SEMA5A: variants seen among roughly 807,000 people sequenced by gnomAD.
SEMA5A encodes the protein semaphorin-5A.
Under a neutral mutation model 135.5 loss-of-function variants are expected in SEMA5A, and 55 were observed. The observed-to-expected ratio is 0.41, with a 90% CI of 0.33 to 0.51. The LOEUF (loss-of-function observed/expected upper bound fraction) is 0.51, where lower values mean the gene tolerates loss of function less well. SEMA5A is among the 20% of genes least tolerant of loss of function. The pLI is 0.37. For synonymous variants in SEMA5A, 580 were observed against 546.5 expected (o/e 1.06, Z -0.85); for missense variants, 1,290 against 1,419.9 (o/e 0.91, Z 1.47).
chr5:9,092,293 C>A (rs1739078364), intron 16 of SEMA5A, among the ~76,000 whole-genome samples: 1 of 152,184 alleles, frequency 6.6e-6, no homozygotes, highest in Non-Finnish European at 1.5e-5. Context: ...CAAAAGGGCT[C>A]AAGGCCATTA....
intron 21 of SEMA5A, chr5:9,045,842 G>GACTT (rs919806167): frequency 1.3e-5 from 2 of 152,258 alleles, no homozygotes; most frequent in East Asian, 1.9e-4. Flanking sequence ...TGCCAGCATG[G>GACTT]ACTTATATCT....
intron 13 of SEMA5A, among the ~76,000 whole-genome samples, chr5:9,133,739 C>T (rs1373346693): frequency 6.6e-6 from 1 of 151,836 alleles, no homozygotes; most frequent in Non-Finnish European, 1.5e-5. Flanking sequence ...TAGTGACCAT[C>T]CTCTCTTCAC....
chr5:9,492,042 T>C (rs1735038639), intron 1 of SEMA5A, among the ~76,000 whole-genome samples: 1 of 152,222 alleles, frequency 6.6e-6, no homozygotes, highest in Non-Finnish European at 1.5e-5. Context: ...GGAAAGTTCA[T>C]TCCTTCACCC....
intron 18 of SEMA5A, among the ~76,000 whole-genome samples, chr5:9,055,889 A>G (rs1736863684): frequency 1.3e-5 from 2 of 152,132 alleles, no homozygotes; most frequent in African/African-American, 2.4e-5. Context: ...TAAAAAAAAA[A>G]AAAAGCTCTC....
At chr5:9,360,478 C>A (rs974110390) in intron 3 of SEMA5A, among the ~76,000 whole-genome samples, 1 of 152,112 alleles carries the variant, frequency 6.6e-6, no homozygotes, top group Non-Finnish European at 1.5e-5. Context: ...TTGTGTCCCC[C>A]AAAGCAAATA....
chr5:9,339,321 T>C (rs569527084), intron 3 of SEMA5A, among the ~76,000 whole-genome samples: 1 of 152,264 alleles, frequency 6.6e-6, no homozygotes, highest in South Asian at 2.1e-4. Context: ...AGGAAAGATT[T>C]GACCAGAGAG....
intron 4 of SEMA5A, among the ~76,000 whole-genome samples, chr5:9,319,022 T>C (rs1283309165): frequency 6.6e-6 from 1 of 151,954 alleles, no homozygotes; most frequent in African/African-American, 2.4e-5. Context: ...CTGGGAACCA[T>C]GGCAAAATCT....
At chr5:9,279,995 C>T (rs958385202) in intron 5 of SEMA5A, among the ~76,000 whole-genome samples, 1 of 152,158 alleles carries the variant, frequency 6.6e-6, no homozygotes, top group Non-Finnish European at 1.5e-5. Flanking sequence ...TATTAACTAT[C>T]CAGCCCTTTC....
intron 5 of SEMA5A, among the ~76,000 whole-genome samples, chr5:9,272,818 T>C (rs1269789983): frequency 6.6e-6 from 1 of 152,106 alleles, no homozygotes; most frequent in Non-Finnish European, 1.5e-5. Context: ...GGTATCAACA[T>C]CAACCAAAAG....
chr5:9,475,576 G>T (rs1046608990), intron 1 of SEMA5A, among the ~76,000 whole-genome samples: 13 of 152,140 alleles, frequency 8.5e-5, no homozygotes, highest in African/African-American at 2.7e-4. Flanking sequence ...TTACAAATAT[G>T]CAAGAAAAAT....
At chr5:9,096,554 CTGTGTGTGTGTGTGTGTG>C (rs56202626) in intron 16 of SEMA5A, among the ~76,000 whole-genome samples, 4 of 144,418 alleles carry the variant, frequency 2.8e-5, no homozygotes, top group East Asian at 4.1e-4. Flanking sequence ...TAATATTCCA[CTGTGTGTGTGTGTGTGTG>C]TGTGTGTGTG....
At chr5:9,420,403 G>A (rs1012072138) in intron 2 of SEMA5A, among the ~76,000 whole-genome samples, 10 of 152,170 alleles carry the variant, frequency 6.6e-5, no homozygotes, top group Admixed American at 6.5e-4. Context: ...GACACAGGGA[G>A]CCTTTTTGAC....
chr5:9,060,508 C>T (rs1179653307), intron 18 of SEMA5A, among the ~76,000 whole-genome samples: 2 of 152,136 alleles, frequency 1.3e-5, no homozygotes, highest in African/African-American at 4.8e-5. Context: ...GGACCCGAAT[C>T]TAGTGAGCTT....
intron 13 of SEMA5A, among the ~76,000 whole-genome samples, chr5:9,127,302 C>T (rs1306877986): frequency 6.6e-6 from 1 of 152,110 alleles, no homozygotes; most frequent in East Asian, 1.9e-4. Context: ...TGCTAATCCA[C>T]CATGCTGACT....
At chr5:9,058,592 A>G (rs1359138969) in intron 18 of SEMA5A, among the ~76,000 whole-genome samples, 1 of 152,234 alleles carries the variant, frequency 6.6e-6, no homozygotes, top group Non-Finnish European at 1.5e-5. Context: ...TTCTTGTTGT[A>G]GAGATTCTAG....
intron 1 of SEMA5A, among the ~76,000 whole-genome samples, chr5:9,472,855 T>C (rs900837978): frequency 6.6e-6 from 1 of 150,738 alleles, no homozygotes; most frequent in Non-Finnish European, 1.5e-5. Flanking sequence ...TAAAAATATA[T>C]AAAATACATA....
chr5:9,108,317 A>G, intron 15 of SEMA5A, 30 bp from the exon 16 acceptor site: 2 of 1,610,890 alleles, frequency 1.2e-6, no homozygotes, highest in South Asian at 2.2e-5. Flanking sequence ...ATGACAAGGA[A>G]ACTAATTAGT....
chr5:9,252,691 A>G (rs1579716071), intron 5 of SEMA5A, among the ~76,000 whole-genome samples: 1 of 152,314 alleles, frequency 6.6e-6, no homozygotes, highest in East Asian at 1.9e-4. Flanking sequence ...TTATTCAAGC[A>G]CAGCCAAGAA....
intron 5 of SEMA5A, among the ~76,000 whole-genome samples, chr5:9,253,932 A>G (rs1748927563): frequency 1.3e-5 from 2 of 152,222 alleles, no homozygotes. Flanking sequence ...AAGATAAAAC[A>G]GTTAACTTTG....
Sources: gnomAD v4.1 joint callset for allele counts (sites outside exome capture counted in the v4.1 genomes callset) on GRCh38, gnomAD v4.1.1 for gene constraint, MANE v1.5 for transcripts, NCBI Gene and HGNC (gene_info 2026-07-23, HGNC 2026-07-21) for gene names.